Variants in NFIA observed in about 807,000 individuals in gnomAD.
The protein encoded by NFIA is nuclear factor I A.
NFIA carries 8 observed loss-of-function variants against 62.8 expected under a neutral mutation model. The ratio of observed to expected loss-of-function variants is 0.13; its 90% CI spans 0.07 to 0.23. The LOEUF (loss-of-function observed/expected upper bound fraction) is 0.23. NFIA is among the 10% of genes least tolerant of loss of function. The probability of loss-of-function intolerance (pLI) is 1.00; values close to 1 mark genes in which losing one functional copy is unlikely to be tolerated. For synonymous variants in NFIA, 235 were observed against 238.1 expected (o/e 0.99, Z 0.12); for missense variants, 410 against 642.1 (o/e 0.64, Z 3.91).
intron 2 of NFIA, among the ~76,000 whole-genome samples, chr1:61,096,547 C>CTTTTTTTTTTTTTT (rs369305204): frequency 5.0e-5 from 4 of 80,594 alleles, no homozygotes; most frequent in East Asian, 5.0e-4. Flanking sequence ...AAGATTAGTT[C>CTTTTTTTTTTTTTT]TTTTTTTTTT....
At chr1:61,164,473 T>G (rs1649430657) in intron 2 of NFIA, among the ~76,000 whole-genome samples, 1 of 152,002 alleles carries the variant, frequency 6.6e-6, no homozygotes, top group African/African-American at 2.4e-5. Context: ...TTTGTTTGTT[T>G]TTTGGAGATG....
chr1:61,355,932 T>C (rs1166099826), intron 5 of NFIA, among the ~76,000 whole-genome samples: 2 of 152,168 alleles, frequency 1.3e-5, no homozygotes, highest in Non-Finnish European at 2.9e-5. Context: ...AACTAAGGCA[T>C]CAACCGATAG....
At chr1:61,447,144 A>G (rs1438731706) in intron 10 of NFIA, among the ~76,000 whole-genome samples, 1 of 152,218 alleles carries the variant, frequency 6.6e-6, no homozygotes, top group Non-Finnish European at 1.5e-5. Flanking sequence ...ATTTAAAAAA[A>G]AATTGTGAAG....
At chr1:61,187,779 T>C (rs1333594607) in intron 2 of NFIA, among the ~76,000 whole-genome samples, 1 of 152,220 alleles carries the variant, frequency 6.6e-6, no homozygotes, top group African/African-American at 2.4e-5. Context: ...TAAATGCCAC[T>C]GTTTAAAGTC....
intron 4 of NFIA, among the ~76,000 whole-genome samples, chr1:61,338,524 G>A (rs1055884603): frequency 7.9e-5 from 12 of 152,144 alleles, no homozygotes; most frequent in South Asian, 2.1e-4. Flanking sequence ...TCCTTGTTAC[G>A]TTTTCAAGTA....
chr1:61,082,654 A>ATTTTT lies in NFIA; in HGVS notation c.-133_-129dup. The ATTTTT allele has an allele frequency of 1.3e-6, 2 of 1,503,572 alleles. No homozygotes were observed. The highest frequency in any genetic ancestry group is 2.1e-5 in the Admixed American group (1 of 46,556). 93.1% of individuals were successfully genotyped at this position (1,503,572 alleles called of 1,614,324 possible). A position where few individuals can be genotyped will look rare whatever the true frequency, so the allele number is the denominator to read the frequency against. ...AATGTGAACGCAAGAAGCAGGCTTG[A>ATTTTT]TTTTTTTTTCTCCCCCCTTCTCTCT... On this transcript the variant is annotated 5_prime_UTR_variant, in exon 1 of 11. Transcript: ENST00000403491.
chr1:61,202,564 T>C (rs980808760), intron 2 of NFIA, among the ~76,000 whole-genome samples: 6 of 152,216 alleles, frequency 3.9e-5, no homozygotes, highest in Non-Finnish European at 8.8e-5. Flanking sequence ...CATAAATTAT[T>C]ACACAGTAAT....
chr1:61,396,570 A>T (rs560531367), intron 7 of NFIA, among the ~76,000 whole-genome samples: 2 of 152,190 alleles, frequency 1.3e-5, no homozygotes, highest in South Asian at 4.1e-4. Context: ...AGTAGTCAAT[A>T]TGTATTAGAT....
intron 4 of NFIA, among the ~76,000 whole-genome samples, chr1:61,351,433 T>G (rs919551847): frequency 6.6e-6 from 1 of 152,192 alleles, no homozygotes; most frequent in Non-Finnish European, 1.5e-5. Context: ...TGTAATTTAT[T>G]TATTCCAGTA....
chr1:61,425,123 G>A (rs1262525583), intron 9 of NFIA, among the ~76,000 whole-genome samples: 8 of 152,274 alleles, frequency 5.3e-5, no homozygotes, highest in South Asian at 2.1e-4. Context: ...GTTCAGTGCC[G>A]TTTTAACACA....
chr1:61,262,954 T>C (rs1255363121), intron 2 of NFIA, among the ~76,000 whole-genome samples: 1 of 152,192 alleles, frequency 6.6e-6, no homozygotes, highest in African/African-American at 2.4e-5. Flanking sequence ...CCGCATATTG[T>C]TTCACCTTTA....
At chr1:61,271,429 T>C (rs1293040593) in intron 2 of NFIA, among the ~76,000 whole-genome samples, 4 of 152,220 alleles carry the variant, frequency 2.6e-5, no homozygotes, top group Non-Finnish European at 5.9e-5. Flanking sequence ...CACAAACTTG[T>C]GGCCAGAAAG....
rs556760656 is a variant in NFIA, at chr1:61,253,073, C to T, written c.560-24447C>T. Among the ~76,000 whole-genome samples the T allele has an allele frequency of 4.6e-5, 7 of 152,272 alleles. No individual in the cohort carries two copies. The South Asian group carries it at 1.0e-3, about 23-fold the overall frequency. ...TGAAGTTCCATAAAGAAGTTCAGTC[C>T]AGCCATGTTCCAAATGCTCTGAGTA... On this transcript the variant is annotated intron_variant, in intron 2 of 10. Coordinates refer to ENST00000403491, the MANE Select transcript of NFIA (RefSeq NM_001134673.4).
chr1:61,148,958 G>A (rs948031709), intron 2 of NFIA, among the ~76,000 whole-genome samples: 6 of 152,124 alleles, frequency 3.9e-5, no homozygotes, highest in South Asian at 2.1e-4. Context: ...CTACAGCCTC[G>A]AACTCCTGGG....
rs75743002 is a variant in NFIA, at chr1:61,271,784, C to T, written c.560-5736C>T. 4.8e-3 allele frequency among the ~76,000 whole-genome samples: 738 copies of T among 152,266 alleles called. 8 individuals carry two copies. Among genetic ancestry groups the T allele is most frequent in the African/African-American group, 0.017 (693 of 41,556 alleles). The stretch of plus-strand genomic sequence containing the variant: ...TGCATACATTAATTACTGCAGTTAC[C>T]GTGTACATATATCTAGACAAACACT... On this transcript the variant is annotated intron_variant, in intron 2 of 10. Coordinates refer to ENST00000403491, the MANE Select transcript of NFIA (RefSeq NM_001134673.4).
chr1:61,263,163 C>G (rs1009909925), intron 2 of NFIA, among the ~76,000 whole-genome samples: 2 of 152,002 alleles, frequency 1.3e-5, no homozygotes, highest in African/African-American at 4.8e-5. Context: ...TTGTTTTTAT[C>G]TTCTTTCCTA....
At chr1:61,102,226 G>C (rs949237583) in intron 2 of NFIA, among the ~76,000 whole-genome samples, 1 of 152,164 alleles carries the variant, frequency 6.6e-6, no homozygotes, top group Non-Finnish European at 1.5e-5. Context: ...TGAAATTCAA[G>C]ACAGATTTCT....
At chr1:61,387,964 C>T (rs138416176) in intron 7 of NFIA, among the ~76,000 whole-genome samples, 7 of 152,160 alleles carry the variant, frequency 4.6e-5, no homozygotes, top group Non-Finnish European at 1.0e-4. Flanking sequence ...GAGCTATGGG[C>T]TTTCTTTATG....
At chr1:61,118,409 T>G (rs1458497034) in intron 2 of NFIA, among the ~76,000 whole-genome samples, 1 of 152,150 alleles carries the variant, frequency 6.6e-6, no homozygotes, top group Non-Finnish European at 1.5e-5. Flanking sequence ...TGCTAGATAC[T>G]GGGAGTACAG....
Sources: allele counts gnomAD v4.1 joint callset (sites outside exome capture counted in the v4.1 genomes callset), GRCh38; gene constraint gnomAD v4.1.1; transcripts MANE v1.5; gene names NCBI Gene and HGNC (gene_info 2026-07-23, HGNC 2026-07-21).